Variants in SGCZ observed in about 807,000 individuals in gnomAD.
SGCZ encodes the protein zeta-sarcoglycan.
SGCZ carries 40 observed loss-of-function variants against 41.3 expected under a neutral mutation model. That is an observed-to-expected ratio of 0.97 (90% CI 0.75 to 1.26). The LOEUF (loss-of-function observed/expected upper bound fraction) is 1.26. Ranked by LOEUF, SGCZ falls within the 50% of genes most tolerant of loss-of-function variation. SGCZ has a pLI of 0.00. For synonymous variants in SGCZ, 206 were observed against 137.5 expected, an observed-to-expected ratio of 1.50 and a Z score of -3.49; for missense variants, 552 against 369.8, an observed-to-expected ratio of 1.49 and a Z score of -4.04.
chr8:14,961,020 A>G (rs1800948376), intron 1 of SGCZ, among the ~76,000 whole-genome samples: 1 of 151,896 alleles, frequency 6.6e-6, no homozygotes, highest in African/African-American at 2.4e-5. Flanking sequence ...AAGAGAGTGC[A>G]TTATTGTTTA....
At chr8:14,756,593 C>A (rs1168000764) in intron 1 of SGCZ, among the ~76,000 whole-genome samples, 3 of 152,134 alleles carry the variant, frequency 2.0e-5, no homozygotes, top group Non-Finnish European at 2.9e-5. Context: ...CTATCTCCTG[C>A]AAAAGAATAC....
chr8:14,822,654 G>A (rs1475324413), intron 1 of SGCZ, among the ~76,000 whole-genome samples: 1 of 151,902 alleles, frequency 6.6e-6, no homozygotes, highest in Non-Finnish European at 1.5e-5. Flanking sequence ...GAACAAAAGA[G>A]AGCCCAGAAA....
At chr8:14,375,015 G>A (rs1210910844) in intron 2 of SGCZ, among the ~76,000 whole-genome samples, 3 of 152,174 alleles carry the variant, frequency 2.0e-5, no homozygotes, top group African/African-American at 4.8e-5. Flanking sequence ...GTATGACTAT[G>A]TGGATGAAGC....
intron 1 of SGCZ, among the ~76,000 whole-genome samples, chr8:14,718,013 A>ATAT (rs1554487156): frequency 6.6e-6 from 1 of 150,872 alleles, no homozygotes; most frequent in Non-Finnish European, 1.5e-5. Context: ...ATATATATGT[A>ATAT]ATATGGCTCT....
At chr8:14,423,599 A>C (rs564960384) in intron 2 of SGCZ, among the ~76,000 whole-genome samples, 6 of 152,102 alleles carry the variant, frequency 3.9e-5, no homozygotes, top group Non-Finnish European at 7.4e-5. Flanking sequence ...TATTTTTAGT[A>C]GAGACAGGGT....
chr8:15,007,874 TCATAAC>T (rs1438656695), intron 1 of SGCZ, among the ~76,000 whole-genome samples: 2 of 152,220 alleles, frequency 1.3e-5, no homozygotes, highest in African/African-American at 4.8e-5. Flanking sequence ...TCAGATATAA[TCATAAC>T]GTGTTATAAA....
intron 1 of SGCZ, among the ~76,000 whole-genome samples, chr8:15,006,460 C>G (rs560018251): frequency 7.9e-5 from 12 of 152,242 alleles, no homozygotes; most frequent in African/African-American, 2.6e-4. Context: ...AAGGGAAGAA[C>G]CTTACGAAGC....
intron 1 of SGCZ, among the ~76,000 whole-genome samples, chr8:14,952,811 C>G (rs17654787): frequency 0.19 from 28,763 of 152,034 alleles, 3,197 homozygotes; most frequent in East Asian, 0.31. Context: ...AGACTGAAAT[C>G]CTTGTTAGCA....
At chr8:14,370,584 G>C (rs777688134) in intron 2 of SGCZ, among the ~76,000 whole-genome samples, 8 of 151,692 alleles carry the variant, frequency 5.3e-5, no homozygotes, top group African/African-American at 1.4e-4. Flanking sequence ...TTCAGCACTA[G>C]TGTTAAGTAT....
chr8:14,395,279 A>G (rs112574964), intron 2 of SGCZ, among the ~76,000 whole-genome samples: 3,579 of 152,294 alleles, frequency 0.024, 125 homozygotes, highest in African/African-American at 0.079. Context: ...CATGTATTCA[A>G]CTAGAAGTTA....
intron 1 of SGCZ, among the ~76,000 whole-genome samples, chr8:14,698,215 A>G (rs1315877874): frequency 1.3e-5 from 2 of 151,976 alleles, no homozygotes; most frequent in Non-Finnish European, 2.9e-5. Flanking sequence ...CTAATAACCT[A>G]ATAAAATTTG....
At chr8:15,192,382 C>T (rs1455337689) in intron 1 of SGCZ, among the ~76,000 whole-genome samples, 2 of 151,916 alleles carry the variant, frequency 1.3e-5, no homozygotes, top group Non-Finnish European at 1.5e-5. Flanking sequence ...AATCAGCTTC[C>T]AAAATGCTGA....
At chr8:15,208,212 G>T (rs948785429) in intron 1 of SGCZ, among the ~76,000 whole-genome samples, 3 of 152,180 alleles carry the variant, frequency 2.0e-5, no homozygotes, top group Non-Finnish European at 4.4e-5. Flanking sequence ...CTCAGGGTTT[G>T]CTGGAAAACG....
chr8:14,906,402 A>G (rs1384399198), intron 1 of SGCZ, among the ~76,000 whole-genome samples: 1 of 152,180 alleles, frequency 6.6e-6, no homozygotes, highest in Non-Finnish European at 1.5e-5. Context: ...GGAAGACACC[A>G]GGTATATTCT....
intron 4 of SGCZ, among the ~76,000 whole-genome samples, chr8:14,190,306 C>T (rs576657227): frequency 5.9e-5 from 9 of 152,004 alleles, no homozygotes; most frequent in African/African-American, 7.2e-5. Context: ...GCCACAGCAC[C>T]CCGCCAGCGG....
chr8:14,128,759 A>G (rs762735210), intron 5 of SGCZ, among the ~76,000 whole-genome samples: 4 of 152,146 alleles, frequency 2.6e-5, no homozygotes, highest in Non-Finnish European at 4.4e-5. Flanking sequence ...CTACTCAGCC[A>G]TAAAAAAAGA....
chr8:14,259,140 G>C (rs1014969816), intron 3 of SGCZ, among the ~76,000 whole-genome samples: 2 of 152,086 alleles, frequency 1.3e-5, no homozygotes, highest in Non-Finnish European at 2.9e-5. Flanking sequence ...TATTTTGTAA[G>C]GCAAATGCAA....
intron 1 of SGCZ, among the ~76,000 whole-genome samples, chr8:14,592,946 G>T (rs1029204066): frequency 6.6e-6 from 1 of 152,166 alleles, no homozygotes; most frequent in Non-Finnish European, 1.5e-5. Context: ...TCAGACATCA[G>T]TTTCTCTACT....
intron 1 of SGCZ, among the ~76,000 whole-genome samples, chr8:14,648,333 C>T (rs996418333): frequency 6.6e-6 from 1 of 152,028 alleles, no homozygotes; most frequent in Non-Finnish European, 1.5e-5. Flanking sequence ...GTATAAGAAA[C>T]ATGCTTTCTT....
Sources: gnomAD v4.1 joint callset for allele counts (sites outside exome capture counted in the v4.1 genomes callset) on GRCh38, gnomAD v4.1.1 for gene constraint, MANE v1.5 for transcripts, NCBI Gene and HGNC (gene_info 2026-07-23, HGNC 2026-07-21) for gene names.